The following ATAD2 variants were observed in gnomAD, a reference collection of about 807,000 sequenced individuals.
ATAD2 encodes the protein ATPase family AAA domain-containing protein 2.
In ATAD2, 62 loss-of-function variants were observed where a neutral mutation model predicts 168.9. The ratio of observed to expected loss-of-function variants is 0.37; its 90% confidence interval spans 0.30 to 0.45. The LOEUF (loss-of-function observed/expected upper bound fraction) is 0.45. Among genes scored for constraint, ATAD2 ranks in the 20% least tolerant of loss-of-function variants. The pLI is 1.00. For missense variants in ATAD2, 1,419 were observed against 1,667.8 expected (o/e 0.85, Z 2.60); for synonymous variants, 613 against 571.6 (o/e 1.07, Z -1.03).
intron 22 of ATAD2, among the ~76,000 whole-genome samples, chr8:123,334,712 T>C (rs774746308): frequency 1.3e-5 from 2 of 152,172 alleles, no homozygotes; most frequent in Non-Finnish European, 2.9e-5. Flanking sequence ...TGTTATTGCA[T>C]TGACAAAGAA....
upstream of ATAD2, chr8:123,401,097 C>A (rs780048714): frequency 7.2e-6 from 11 of 1,518,838 alleles, no homozygotes; most frequent in South Asian, 1.1e-5. Flanking sequence ...ACACCACCCT[C>A]CTCAGTGAGG....
chr8:123,331,952 T>C (rs1171781785), intron 24 of ATAD2, among the ~76,000 whole-genome samples: 1 of 152,272 alleles, frequency 6.6e-6, no homozygotes, highest in Admixed American at 6.5e-5. Context: ...GTAAATTTTA[T>C]GCAGTTGTGA....
At chr8:123,414,697 C>T (rs909708745) in intron 1 of ATAD2, among the ~76,000 whole-genome samples, 1 of 152,162 alleles carries the variant, frequency 6.6e-6, no homozygotes, top group African/African-American at 2.4e-5. Flanking sequence ...CAGTACCTTA[C>T]CGTATAGAAG....
Position 123,328,339 on chromosome 8 carries a change from C to T in ATAD2, c.3719G>A (p.Arg1240Lys), listed in dbSNP as rs374233674. The change falls in exon 25 of 28, where the codon AGA becomes AAA. Residue 1240 changes from arginine (R) to lysine (K), a missense_variant. Arg to Lys is a conservative substitution (Grantham distance 26). Around this residue, in one of 5 missense-constraint regions of ATAD2, gnomAD observed 303 missense variants for 304.3 expected, o/e 1.00. Coordinates refer to ENST00000287394, the MANE Select transcript of ATAD2 (RefSeq NM_014109.4). ...TATATTACAAGTATTTGAATTATTTCTCAATTCCAGTTTGCTTTCAGAGGC... is the reference window on the plus strand; with the variant it reads ...TATATTACAAGTATTTGAATTATTTTTCAATTCCAGTTTGCTTTCAGAGGC... ...QNASESKLELRNNSNTCNIEN... is the reference protein window; with the variant it reads ...QNASESKLELKNNSNTCNIEN... 3 of 1,607,158 alleles carry T rather than the reference C, an allele frequency of 1.9e-6. No homozygotes were observed. The African/African-American group carries it at 4.0e-5, about 22-fold the overall frequency.
intron 22 of ATAD2, among the ~76,000 whole-genome samples, chr8:123,335,148 T>C (rs1429885773): frequency 1.3e-5 from 2 of 152,134 alleles, no homozygotes; most frequent in African/African-American, 4.8e-5. Flanking sequence ...CCACTAACAT[T>C]TGACACCACT....
In ATAD2 at chr8:123,359,239, A is replaced by C; in HGVS notation, c.1364T>G (p.Phe455Cys). ...PLLYPEVFEK[F>C]KIQPPRGCLF... The stretch of plus-strand genomic sequence containing the variant: ...AAATTACCTTGGGGGTTGAATTTTA[A>C]ATTTTTCAAAGACTTCTGGATAAAG... The change falls in exon 11 of 28, where the codon TTT becomes TGT. Residue 455 changes from phenylalanine to cysteine, a missense_variant. Coordinates refer to ENST00000287394, the MANE Select transcript of ATAD2 (RefSeq NM_014109.4). The C allele has an allele frequency of 1.3e-6, 2 of 1,588,814 alleles. No individual in the cohort carries two copies. Among genetic ancestry groups the C allele is most frequent in the Non-Finnish European group, 1.7e-6 (2 of 1,169,636 alleles).
At chr8:123,323,426 A>C (rs143014382) in intron 26 of ATAD2, among the ~76,000 whole-genome samples, 41 of 152,336 alleles carry the variant, frequency 2.7e-4, no homozygotes, top group African/African-American at 8.7e-4. Context: ...CATTTTAACT[A>C]ATTTTATTAT....
chr8:123,349,157 T>C, intron 14 of ATAD2, 128 bp downstream of exon 14: 1 of 886,668 alleles, frequency 1.1e-6, no homozygotes, highest in Non-Finnish European at 1.6e-6. Flanking sequence ...CCCATTTGAG[T>C]TGTTTACTAT....
At chr8:123,338,186 C>A (rs1011061106) in intron 20 of ATAD2, among the ~76,000 whole-genome samples, 1 of 152,074 alleles carries the variant, frequency 6.6e-6, no homozygotes, top group Non-Finnish European at 1.5e-5. Context: ...GAAACCCGGT[C>A]TCTACTAAAA....
At chr8:123,380,180 T>C (rs1299663812) in intron 2 of ATAD2, among the ~76,000 whole-genome samples, 4 of 151,836 alleles carry the variant, frequency 2.6e-5, no homozygotes, top group African/African-American at 9.7e-5. Flanking sequence ...GCCTCCCGAG[T>C]AGCTGGGATT....
In ATAD2 at chr8:123,402,269, C is replaced by T. The variant is rs1298018731; in HGVS notation, c.-2281-1094G>A. Reference sequence around the variant, plus strand: ...AAGTTGTGAGGGGTCTGTGACCCCTCGCTGGGCATCCCCTGCAGAGTCAGG... The same window carrying T: ...AAGTTGTGAGGGGTCTGTGACCCCTTGCTGGGCATCCCCTGCAGAGTCAGG... On this transcript the variant is annotated intron_variant, in intron 1 of 28. Transcript: ENST00000521903. The surrounding 1 kb of genome is among the most constrained non-coding windows in gnomAD (Gnocchi z 4.8). Among the ~76,000 whole-genome samples, 1 of 152,110 alleles carries T rather than the reference C, an allele frequency of 6.6e-6. No homozygotes were observed. The highest frequency in any genetic ancestry group is 6.5e-5 in the Admixed American group (1 of 15,282).
chr8:123,349,374 C>T lies in ATAD2; in HGVS notation c.1717G>A (p.Ala573Thr). 1 of 1,614,060 alleles carries T rather than the reference C, an allele frequency of 6.2e-7. No homozygotes were observed. The highest frequency in any genetic ancestry group is 8.5e-7 in the Non-Finnish European group (1 of 1,179,984). ...DSRGEIVVIGATNRLDSIDPA... is the reference protein window; with the variant it reads ...DSRGEIVVIGTTNRLDSIDPA... ...TCTATAGAATCTAGCCTGTTCGTAG[C>T]ACCAATGACCACAATTTCCCCTCTG... Residue 573 changes from alanine to threonine, a missense_variant, in exon 14 of 28, where the codon GCT becomes ACT. This residue lies in a region of ATAD2 where 545 missense variants were observed against 724.9 expected (regional missense o/e 0.75). Transcript: ENST00000287394.
chr8:123,346,677 T>A lies in ATAD2; in HGVS notation c.2286A>T (p.Gly762=), dbSNP rs1315400406. The A allele has an allele frequency of 6.3e-7, 1 of 1,589,246 alleles. No homozygotes were observed. The highest frequency in any genetic ancestry group is 2.3e-5 in the East Asian group (1 of 44,118). The change falls in exon 17 of 28, where the codon GGA becomes GGT. Residue 762 remains glycine, a synonymous_variant. Transcript: ENST00000287394. ...CCTTATGAGAAGATTTCTGAGAAAG[T>A]CCATTTTCATAAACTGATGGAACAT... ...DDDVPSVYEN[G]LSQKSSHKAK...
Position 123,344,872 on chromosome 8 carries a change from C to A in ATAD2, c.2718+12G>T, listed in dbSNP as rs747527216. The A allele has an allele frequency of 6.2e-7, 1 of 1,612,642 alleles. No individual in the cohort carries two copies. Among genetic ancestry groups the A allele is most frequent in the Non-Finnish European group, 8.5e-7 (1 of 1,178,750 alleles). On this transcript the variant is annotated intron_variant, in intron 19 of 27. Coordinates refer to ENST00000287394, the MANE Select transcript of ATAD2 (RefSeq NM_014109.4). ...TTTTGAAAGTATAATGATACCGCCC[C>A]ACATAAATTACCTCTTCTGGCAAAG...
intron 26 of ATAD2, 119 bp downstream of exon 26, chr8:123,325,774 G>GA (rs1158190926): frequency 1.5e-6 from 2 of 1,319,906 alleles, no homozygotes. Flanking sequence ...AAGCTTGGAG[G>GA]AAAAAAAGTT....
intron 13 of ATAD2, among the ~76,000 whole-genome samples, chr8:123,350,037 AAAAG>A (rs1181496588): frequency 2.0e-5 from 3 of 152,126 alleles, no homozygotes; most frequent in Admixed American, 6.6e-5. Context: ...AAAGAAAAGA[AAAAG>A]AAAAAAAGTG....
At chr8:123,394,915 AG>A (rs1812756812) in intron 1 of ATAD2, among the ~76,000 whole-genome samples, 1 of 152,232 alleles carries the variant, frequency 6.6e-6, no homozygotes, top group Admixed American at 6.5e-5. Context: ...GACTGAAGGG[AG>A]TGTAGTTTTT....
chr8:123,380,823 T>A, intron 1 of ATAD2, 146 bp from the exon 2 acceptor site: 2 of 716,254 alleles, frequency 2.8e-6, no homozygotes, highest in South Asian at 2.0e-5. Flanking sequence ...AACTACAAGT[T>A]AGTATCTAGA....
chr8:123,386,087 T>C (rs1829640347), intron 1 of ATAD2, among the ~76,000 whole-genome samples: 1 of 151,358 alleles, frequency 6.6e-6, no homozygotes, highest in Non-Finnish European at 1.5e-5. Flanking sequence ...AATCCTTGTG[T>C]GTTGCTGGTG....
Sources: gnomAD v4.1 joint callset for allele counts (sites outside exome capture counted in the v4.1 genomes callset) on GRCh38, gnomAD v4.1.1 for gene constraint, gnomAD v4.1.1 regional missense constraint, Gnocchi (gnomAD v3.1) non-coding constraint, MANE v1.5 for transcripts, NCBI Gene and HGNC (gene_info 2026-07-23, HGNC 2026-07-21) for gene names.